The following RPTOR variants were observed in gnomAD, a reference collection of about 807,000 sequenced individuals.
RPTOR encodes the protein regulatory associated protein of MTOR complex 1.
A neutral mutation model predicts 169.9 loss-of-function variants in RPTOR; 21 were observed. The observed-to-expected ratio is 0.12, with a 90% CI of 0.09 to 0.18. The LOEUF is 0.18. Ranked by LOEUF, RPTOR falls within the 10% of genes least tolerant of loss-of-function variation. RPTOR has a pLI of 1.00. For missense variants in RPTOR, 1,133 were observed against 1,855.9 expected, an observed-to-expected ratio of 0.61 and a Z score of 7.16; for synonymous variants, 732 against 753.2, an observed-to-expected ratio of 0.97 and a Z score of 0.46.
chr17:80,729,817 GAGCACGTGTGTGAGAC>G (rs1172230574), intron 4 of RPTOR, among the ~76,000 whole-genome samples: 3 of 152,214 alleles, frequency 2.0e-5, no homozygotes, highest in South Asian at 2.1e-4. Flanking sequence ...ACGGAGTGAA[GAGCACGTGTGTGAGAC>G]AGCTGTGGGT....
intron 13 of RPTOR, among the ~76,000 whole-genome samples, chr17:80,865,819 T>C (rs563866016): frequency 5.9e-5 from 9 of 152,144 alleles, no homozygotes; most frequent in African/African-American, 2.2e-4. Context: ...CTGACGTTTA[T>C]AGAACACGCC....
Position 80,743,852 on chromosome 17 carries a change from C to T in RPTOR, c.655-10158C>T, listed in dbSNP as rs1225054980. 5.2e-4 allele frequency among the ~76,000 whole-genome samples: 61 copies of T among 116,706 alleles called. 5 individuals carry two copies. Among genetic ancestry groups the T allele is most frequent in the African/African-American group, 2.0e-3 (54 of 26,660 alleles). 76.6% of individuals were successfully genotyped at this position (116,706 alleles called of 152,430 possible). Reference sequence around the variant, plus strand: ...CTACTAGCACAGCCCTGGTTACTAGCAGAGCCCTGGCTACTAGCACAGCCC... The same window carrying T: ...CTACTAGCACAGCCCTGGTTACTAGTAGAGCCCTGGCTACTAGCACAGCCC... On this transcript the variant is annotated intron_variant, in intron 5 of 33. Coordinates refer to ENST00000306801, the MANE Select transcript of RPTOR (RefSeq NM_020761.3).
rs729996 is a variant in RPTOR, at chr17:80,721,415, A to G, written c.508-9145A>G. Among the ~76,000 whole-genome samples, 44,555 of 151,332 alleles carry G rather than the reference A, an allele frequency of 0.29. 8,172 individuals are homozygous for G. The highest frequency in any genetic ancestry group is 0.46 in the Admixed American group (7,045 of 15,262). Reference sequence around the variant, plus strand: ...TGTGAGAATCACTCACTTCCTCGGCAGGGCCTGCACGCACCTGGTGCAGGA... The same window carrying G: ...TGTGAGAATCACTCACTTCCTCGGCGGGGCCTGCACGCACCTGGTGCAGGA... On this transcript the variant is annotated intron_variant, in intron 4 of 33. Transcript: ENST00000306801. This position sits in a 1 kb window ranked among gnomAD's most constrained non-coding sequence, Gnocchi z 4.7.
At chr17:80,875,733 A>G (rs1210477158) in intron 13 of RPTOR, among the ~76,000 whole-genome samples, 5 of 135,124 alleles carry the variant, frequency 3.7e-5, no homozygotes, top group African/African-American at 5.9e-5. Context: ...AGCCCGTGCC[A>G]CGCAGGGTGT....
intron 5 of RPTOR, among the ~76,000 whole-genome samples, chr17:80,742,834 A>G (rs115746025): frequency 0.035 from 5,286 of 152,106 alleles, 316 homozygotes; most frequent in African/African-American, 0.12. Context: ...CCACCTATAC[A>G]TACATAAACA....
At chr17:80,635,306 T>A (rs1201584589) in intron 2 of RPTOR, among the ~76,000 whole-genome samples, 3 of 152,224 alleles carry the variant, frequency 2.0e-5, no homozygotes, top group African/African-American at 7.2e-5. Context: ...ACTTGAGAGC[T>A]CATTCCAGGC....
At chr17:80,857,653 A>G in intron 12 of RPTOR, 137 bp from the exon 13 acceptor site, 3 of 606,976 alleles carry the variant, frequency 4.9e-6, no homozygotes, top group Non-Finnish European at 8.8e-6. Flanking sequence ...TCTTTACTTT[A>G]AGTGAGGCCC....
intron 2 of RPTOR, among the ~76,000 whole-genome samples, chr17:80,634,366 CATACTGTGT>C: frequency 1.6e-5 from 1 of 61,286 alleles, no homozygotes; most frequent in South Asian, 5.1e-4. Flanking sequence ...ACTGTGTGTG[CATACTGTGT>C]GTGTGCATAC....
At chr17:80,832,252 G>A (rs1262959820) in intron 9 of RPTOR, among the ~76,000 whole-genome samples, 1 of 152,244 alleles carries the variant, frequency 6.6e-6, no homozygotes, top group African/African-American at 2.4e-5. Context: ...AGCATAGGCT[G>A]CCGTGGCCCC....
chr17:80,893,333 G>T (rs1196966754), intron 19 of RPTOR, among the ~76,000 whole-genome samples: 2 of 143,156 alleles, frequency 1.4e-5, no homozygotes, highest in East Asian at 4.1e-4. Flanking sequence ...CGCGCGCCAG[G>T]TGTGTGTGCG....
rs977691170 is a variant in RPTOR, at chr17:80,726,182, C to T, written c.508-4378C>T. On this transcript the variant is annotated intron_variant, in intron 4 of 33. Coordinates refer to ENST00000306801, the MANE Select transcript of RPTOR (RefSeq NM_020761.3). The surrounding 1 kb of genome is among the most constrained non-coding windows in gnomAD (Gnocchi z 4.5). ...CGGGGCTGGGAAAGCTGTTCTGTGG[C>T]GCAGCATCCCAGTGGCTGTTACGGG... Among the ~76,000 whole-genome samples the T allele has an allele frequency of 2.6e-5, 4 of 152,250 alleles. No individual in the cohort carries two copies. The highest frequency in any genetic ancestry group is 7.2e-5 in the African/African-American group (3 of 41,546).
chr17:80,908,516 T>C (rs529042779), intron 20 of RPTOR, among the ~76,000 whole-genome samples: 1 of 152,358 alleles, frequency 6.6e-6, no homozygotes, highest in East Asian at 1.9e-4. Flanking sequence ...AGTGTGGTCA[T>C]GCCCTCCGAT....
chr17:80,719,271 G>A (rs557895563), intron 4 of RPTOR, among the ~76,000 whole-genome samples: 2 of 152,268 alleles, frequency 1.3e-5, no homozygotes, highest in African/African-American at 4.8e-5. Context: ...AAGCCGGGAA[G>A]GGTACCTGTC....
In RPTOR at chr17:80,846,532, G is replaced by A. The variant is rs752226340; in HGVS notation, c.1272G>A (p.Val424=). The part of the protein sequence containing the change: ...TAFQVWLTMG[V]ENRNPPEQLP... The stretch of plus-strand genomic sequence containing the variant: ...TCCAGGTGTGGCTCACCATGGGCGT[G>A]GAGAACCGAAACCCACCCGAACAGC... Residue 424 remains valine, a synonymous_variant, in exon 11 of 34, where the codon GTG becomes GTA. Transcript: ENST00000306801. 13 of 1,614,104 alleles carry A rather than the reference G, an allele frequency of 8.1e-6. No individual in the cohort carries two copies. Among genetic ancestry groups the A allele is most frequent in the South Asian group, 1.1e-5 (1 of 91,088 alleles).
At chr17:80,601,390 C>T (rs1488884300) in intron 1 of RPTOR, among the ~76,000 whole-genome samples, 7 of 30,840 alleles carry the variant, frequency 2.3e-4, no homozygotes, top group East Asian at 1.2e-3. Flanking sequence ...GCAGCGCCGG[C>T]GGGCCGCTCT....
rs1598418097 is a variant in RPTOR, at chr17:80,947,428, G to A, written c.3265+77G>A. 5 of 1,445,086 alleles carry A rather than the reference G, an allele frequency of 3.5e-6. No homozygotes were observed. The East Asian group carries it at 7.9e-5, about 23-fold the overall frequency. The allele number at this position is 1,445,086 out of a possible 1,614,324, so 89.5% of individuals were successfully genotyped here. The stretch of plus-strand genomic sequence containing the variant: ...CGGGGAGGGTGTGTGATCCTGAGAT[G>A]TGTTTGTACATCTGTCTTACAGAAA... On this transcript the variant is annotated intron_variant, in intron 27 of 33. Coordinates refer to ENST00000306801, the MANE Select transcript of RPTOR (RefSeq NM_020761.3). The surrounding 1 kb of genome is among the most constrained non-coding windows in gnomAD (Gnocchi z 4.4).
intron 11 of RPTOR, among the ~76,000 whole-genome samples, chr17:80,847,477 A>G (rs1332414096): frequency 6.9e-6 from 1 of 145,196 alleles, no homozygotes; most frequent in African/African-American, 2.6e-5. Flanking sequence ...CAGTGTAGAT[A>G]TCAAGGTCTA....
At chr17:80,592,760 T>G (rs1404096759) in intron 1 of RPTOR, among the ~76,000 whole-genome samples, 1 of 152,140 alleles carries the variant, frequency 6.6e-6, no homozygotes, top group African/African-American at 2.4e-5. Context: ...TCCTACAAAT[T>G]TAGTGTAGTT....
intron 27 of RPTOR, among the ~76,000 whole-genome samples, chr17:80,948,981 G>A (rs1011428366): frequency 4.6e-5 from 7 of 152,172 alleles, no homozygotes; most frequent in Non-Finnish European, 8.8e-5. Flanking sequence ...GAGGAATGGG[G>A]CGGAGGGTGC....
Sources: gnomAD v4.1 joint callset for allele counts (sites outside exome capture counted in the v4.1 genomes callset) on GRCh38, gnomAD v4.1.1 for gene constraint, Gnocchi (gnomAD v3.1) non-coding constraint, MANE v1.5 for transcripts, NCBI Gene and HGNC (gene_info 2026-07-23, HGNC 2026-07-21) for gene names.